Variants in SPSB4 observed in about 807,000 individuals in gnomAD.
SPSB4 encodes the protein SPRY domain-containing SOCS box protein 4.
In SPSB4, 21 loss-of-function variants were observed where a neutral mutation model predicts 20.9. The observed-to-expected ratio is 1.01, with a 90% CI of 0.71 to 1.45. The LOEUF is 1.45. Among genes scored for constraint, SPSB4 ranks in the 40% most tolerant of loss-of-function variants. The pLI is 0.00. For synonymous variants in SPSB4, 207 were observed against 183.8 expected, an observed-to-expected ratio of 1.13 and a Z score of -1.02; for missense variants, 399 against 399.2, an observed-to-expected ratio of 1.00 and a Z score of 0.00.
chr3:141,077,676 G>C (rs763292605), intron 2 of SPSB4: 1 of 152,352 alleles, frequency 6.6e-6, no homozygotes, highest in Non-Finnish European at 1.5e-5. Flanking sequence ...GGGAGATACC[G>C]TTCATCTCCT....
intron 2 of SPSB4, among the ~76,000 whole-genome samples, chr3:141,129,843 T>G (rs568274294): frequency 6.6e-6 from 1 of 152,384 alleles, no homozygotes; most frequent in South Asian, 2.1e-4. Context: ...ACTATTTTCC[T>G]GTGCAACACT....
rs1939434288 is a variant in SPSB4 at position 141,147,555 on chromosome 3, C to A, written c.*286C>A. On this transcript the variant is annotated 3_prime_UTR_variant, in exon 3 of 3. Transcript: ENST00000310546. ...CTGGAAATCCTGCCACCAACCAGGACACAGCAGCCACCGTATTGATCAGAG... is the reference window on the plus strand; with the variant it reads ...CTGGAAATCCTGCCACCAACCAGGAAACAGCAGCCACCGTATTGATCAGAG... 4 of 418,554 alleles carry A rather than the reference C, an allele frequency of 9.6e-6. No homozygotes were observed. Among genetic ancestry groups the A allele is most frequent in the Non-Finnish European group, 1.8e-5 (4 of 228,062 alleles). The allele number at this position is 418,554 out of a possible 1,614,324, so 25.9% of individuals were successfully genotyped here.
intron 1 of SPSB4, among the ~76,000 whole-genome samples, chr3:141,054,081 C>T (rs1440506013): frequency 2.0e-5 from 3 of 152,244 alleles, no homozygotes; most frequent in Admixed American, 1.3e-4. Context: ...GGAAGGGCTT[C>T]ATTTCTATCC....
chr3:141,131,014 G>C (rs1445927580), intron 2 of SPSB4, among the ~76,000 whole-genome samples: 1 of 152,174 alleles, frequency 6.6e-6, no homozygotes, highest in Non-Finnish European at 1.5e-5. Context: ...GGCATTTGTA[G>C]AACCACAATA....
chr3:141,101,473 G>C (rs1938611745), intron 2 of SPSB4, among the ~76,000 whole-genome samples: 1 of 152,302 alleles, frequency 6.6e-6, no homozygotes, highest in East Asian at 1.9e-4. Context: ...AGCTACCAGG[G>C]GGAGAGCCCA....
At chr3:141,079,230 C>G (rs1360174489) in intron 2 of SPSB4, among the ~76,000 whole-genome samples, 1 of 149,342 alleles carries the variant, frequency 6.7e-6, no homozygotes, top group Non-Finnish European at 1.5e-5. Context: ...CACTGCACTC[C>G]AGCCTGAGCT....
chr3:141,070,300 C>A (rs1177316655), intron 2 of SPSB4, among the ~76,000 whole-genome samples: 5 of 152,046 alleles, frequency 3.3e-5, no homozygotes, highest in African/African-American at 4.8e-5. Context: ...AAACACTTTA[C>A]AATTTCTTTT....
chr3:141,052,624 CTGT>C (rs1257172634), intron 1 of SPSB4, among the ~76,000 whole-genome samples: 1 of 152,110 alleles, frequency 6.6e-6, no homozygotes, highest in Admixed American at 6.5e-5. Context: ...GCACCGGTGG[CTGT>C]TGTTACCGTT....
At chr3:141,114,103 A>G (rs1457460392) in intron 2 of SPSB4, among the ~76,000 whole-genome samples, 1 of 152,208 alleles carries the variant, frequency 6.6e-6, no homozygotes, top group Non-Finnish European at 1.5e-5. Flanking sequence ...CATAAAATAA[A>G]TGATTAATTT....
intron 2 of SPSB4, among the ~76,000 whole-genome samples, chr3:141,104,819 A>C (rs933529412): frequency 6.6e-6 from 1 of 152,238 alleles, no homozygotes; most frequent in African/African-American, 2.4e-5. Context: ...AAGCTGGGAA[A>C]AATAAAGCGT....
intron 2 of SPSB4, among the ~76,000 whole-genome samples, chr3:141,119,046 T>C (rs1938923285): frequency 6.6e-6 from 1 of 152,352 alleles, no homozygotes; most frequent in Middle Eastern, 3.4e-3. Context: ...GGCAGCTTGA[T>C]GGGGATGGCA....
intron 2 of SPSB4, among the ~76,000 whole-genome samples, chr3:141,114,156 A>G (rs1327674755): frequency 1.3e-5 from 2 of 152,232 alleles, no homozygotes; most frequent in Admixed American, 1.3e-4. Context: ...TTATAAATAA[A>G]TTCAGTGCAA....
At chr3:141,077,816 A>G (rs2107785070) in intron 2 of SPSB4, among the ~76,000 whole-genome samples, 1 of 152,310 alleles carries the variant, frequency 6.6e-6, no homozygotes, top group Admixed American at 6.5e-5. Context: ...GCTCCTTTGG[A>G]AGCCCAGAAC....
chr3:141,113,255 C>T (rs146868226), intron 2 of SPSB4, among the ~76,000 whole-genome samples: 2,952 of 152,262 alleles, frequency 0.019, 43 homozygotes, highest in Middle Eastern at 0.041. Flanking sequence ...AACATAGAAT[C>T]ACCATATGAC....
chr3:141,074,941 G>C (rs1428613169), intron 2 of SPSB4, among the ~76,000 whole-genome samples: 6 of 152,226 alleles, frequency 3.9e-5, no homozygotes, highest in Non-Finnish European at 5.9e-5. Flanking sequence ...GGATAGAAGA[G>C]ATGGTATCTG....
chr3:141,087,622 A>T (rs570245842), intron 2 of SPSB4, among the ~76,000 whole-genome samples: 45 of 152,308 alleles, frequency 3.0e-4, no homozygotes, highest in Middle Eastern at 3.4e-3. Flanking sequence ...CATTTTCCAG[A>T]TGAGCAAACA....
chr3:141,128,753 G>GA (rs1324628291), intron 2 of SPSB4, among the ~76,000 whole-genome samples: 5 of 151,986 alleles, frequency 3.3e-5, no homozygotes, highest in Non-Finnish European at 7.4e-5. Flanking sequence ...AGGTAAGGGG[G>GA]ACAGAGCATC....
Position 141,147,445 on chromosome 3 carries a change from G to A in SPSB4, c.*176G>A. On this transcript the variant is annotated 3_prime_UTR_variant, in exon 3 of 3. Transcript: ENST00000310546. ...CAACTTTGGAAACGAAAGGTCTCTT[G>A]CCAACAGTATCTACTGCCCTCGAGG... 9.2e-7 allele frequency: 1 copy of A among 1,091,194 alleles called. No homozygotes were observed. The highest frequency in any genetic ancestry group is 1.3e-6 in the Non-Finnish European group (1 of 777,250). The allele number at this position is 1,091,194 out of a possible 1,614,324, so 67.6% of individuals were successfully genotyped here.
rs940676674 is a variant in SPSB4, at chr3:141,066,141, G to C, written c.37G>C (p.Glu13Gln). ...GCTCTCGGGGAGCCTCAAGTCAGTG[G>C]AGGTGCGAGAGCCGGCGCTGCGGCC... ...QKLSGSLKSV[E>Q]VREPALRPAK... The change falls in exon 2 of 3, where the codon GAG becomes CAG. Residue 13 changes from glutamate to glutamine, a missense_variant. Coordinates refer to ENST00000310546, the MANE Select transcript of SPSB4 (RefSeq NM_080862.3). 2.0e-6 allele frequency: 3 copies of C among 1,532,574 alleles called. No homozygotes were observed. The highest frequency in any genetic ancestry group is 4.0e-5 in the Admixed American group (2 of 49,612). 94.9% of individuals were successfully genotyped at this position (1,532,574 alleles called of 1,614,324 possible).
Sources: gnomAD v4.1 joint callset for allele counts (sites outside exome capture counted in the v4.1 genomes callset) on GRCh38, gnomAD v4.1.1 for gene constraint, MANE v1.5 for transcripts, NCBI Gene and HGNC (gene_info 2026-07-23, HGNC 2026-07-21) for gene names.